The following MAGEC3 variants were observed in gnomAD, a reference collection of about 807,000 sequenced individuals.
MAGEC3 encodes MAGE family member C3, also known as melanoma-associated antigen C3.
MAGEC3 carries 34 observed loss-of-function variants against 35.3 expected under a neutral mutation model. The ratio of observed to expected loss-of-function variants is 0.96; its 90% CI spans 0.73 to 1.28. The LOEUF (loss-of-function observed/expected upper bound fraction) is 1.28, where lower values mean the gene tolerates loss of function less well. Among genes scored for constraint, MAGEC3 ranks in the 50% most tolerant of loss-of-function variants. The probability of loss-of-function intolerance (pLI) is 0.00; values close to 1 mark genes in which losing one functional copy is unlikely to be tolerated. For synonymous variants in MAGEC3, 202 were observed against 185.6 expected, an observed-to-expected ratio of 1.09 and a Z score of -0.72; for missense variants, 561 against 483.6, an observed-to-expected ratio of 1.16 and a Z score of -1.50.
At chrX:141,848,232 C>G (rs1368859823) in intron 1 of MAGEC3, among the ~76,000 whole-genome samples, 2 of 109,664 alleles carry the variant, frequency 1.8e-5, no homozygotes, top group East Asian at 5.8e-4. Context: ...AGGATACCCA[C>G]TCTCACAACT....
chrX:141,869,979 T>TG (rs2017877301), intron 2 of MAGEC3, among the ~76,000 whole-genome samples: 8 of 111,272 alleles, frequency 7.2e-5, no homozygotes, highest in African/African-American at 2.6e-4. Context: ...TTCCAGATGC[T>TG]TCAGGGGCCC....
chrX:141,841,559 T>C (rs748019385), intron 1 of MAGEC3, among the ~76,000 whole-genome samples: 8 of 111,866 alleles, frequency 7.2e-5, no homozygotes, highest in Admixed American at 2.8e-4. Flanking sequence ...TATGTGTTTA[T>C]TTTCTTTCTG....
intron 1 of MAGEC3, among the ~76,000 whole-genome samples, chrX:141,846,480 G>A (rs1346910045): frequency 1.8e-5 from 2 of 109,664 alleles, no homozygotes; most frequent in Non-Finnish European, 3.8e-5. Context: ...GATCCTAACA[G>A]GACAATGAGA....
At position 141,881,771 on chromosome X, in the gene MAGEC3, T is replaced by C. The variant is rs1022662780; in HGVS notation, c.884T>C (p.Ile295Thr). Reference sequence around the variant, plus strand: ...GGCAACTGTGCATCTGAGGAGGTCATCTGGGAAGTGCTGAATGCAATAGGG... The same window carrying C: ...GGCAACTGTGCATCTGAGGAGGTCACCTGGGAAGTGCTGAATGCAATAGGG... ...IKGNCASEEVIWEVLNAIGPW... is the reference protein window; with the variant it reads ...IKGNCASEEVTWEVLNAIGPW... Residue 295 changes from isoleucine to threonine, a missense_variant, in exon 4 of 8, where the codon ATC becomes ACC. Coordinates refer to ENST00000298296, the MANE Select transcript of MAGEC3 (RefSeq NM_138702.1). 1.4e-5 allele frequency: 17 copies of C among 1,209,640 alleles called. No individual in the cohort carries two copies. The highest frequency in any genetic ancestry group is 1.8e-5 in the Non-Finnish European group (16 of 895,168).
chrX:141,855,374 T>A (rs2017774093), intron 1 of MAGEC3, among the ~76,000 whole-genome samples: 1 of 111,342 alleles, frequency 9.0e-6, no homozygotes, highest in African/African-American at 3.3e-5. Context: ...ACTAATAATG[T>A]ATTAATAACT....
chrX:141,865,380 G>T, intron 1 of MAGEC3, 91 bp from the exon 2 acceptor site: 1 of 890,036 alleles, frequency 1.1e-6, no homozygotes, highest in Non-Finnish European at 1.5e-6. Context: ...ACTCATCAAG[G>T]GAAAGACACT....
intron 4 of MAGEC3, among the ~76,000 whole-genome samples, chrX:141,890,196 T>C (rs748937032): frequency 1.8e-5 from 2 of 110,833 alleles, no homozygotes; most frequent in Non-Finnish European, 3.8e-5. Flanking sequence ...GACTAATACA[T>C]ATTGGTTATT....
rs907317695 is a variant in MAGEC3, at chrX:141,881,665, T to C, written c.778T>C (p.Cys260Arg). The C allele has an allele frequency of 1.4e-5, 17 of 1,211,630 alleles. No individual in the cohort carries two copies. Among genetic ancestry groups the C allele is most frequent in the Non-Finnish European group, 1.9e-5 (17 of 895,427 alleles). Reference sequence around the variant, plus strand: ...CTTTGTAAACACATTAGACCTCACCTGTGAGGGGAGTCTGAGTGATGAGCA... The same window carrying C: ...CTTTGTAAACACATTAGACCTCACCCGTGAGGGGAGTCTGAGTGATGAGCA... Reference protein sequence around the residue: ...YVFVNTLDLTCEGSLSDEQGM... With the variant: ...YVFVNTLDLTREGSLSDEQGM... The change falls in exon 4 of 8, where the codon TGT (cysteine) becomes CGT (arginine). Residue 260 changes from cysteine to arginine, a missense_variant. Physicochemically the swap from Cys to Arg is radical, Grantham distance 180. Transcript: ENST00000298296.
intron 2 of MAGEC3, among the ~76,000 whole-genome samples, chrX:141,875,232 C>T (rs1274149761): frequency 4.5e-5 from 5 of 111,274 alleles, no homozygotes; most frequent in Non-Finnish European, 9.4e-5. Flanking sequence ...GTAACAAATG[C>T]TGCTGTTGGA....
At chrX:141,882,801 C>T (rs1446298673) in intron 4 of MAGEC3, among the ~76,000 whole-genome samples, 1 of 111,712 alleles carries the variant, frequency 9.0e-6, no homozygotes, top group Admixed American at 9.5e-5. Flanking sequence ...GAGCAGAAGC[C>T]ATGTCAAGAA....
At chrX:141,847,530 A>G (rs1258378236) in intron 1 of MAGEC3, among the ~76,000 whole-genome samples, 1 of 111,749 alleles carries the variant, frequency 8.9e-6, no homozygotes, top group Non-Finnish European at 1.9e-5. Context: ...CTCCAAAACA[A>G]TGAAGTTCAA....
At chrX:141,852,418 A>G (rs2017756480) in intron 1 of MAGEC3, among the ~76,000 whole-genome samples, 1 of 110,127 alleles carries the variant, frequency 9.1e-6, no homozygotes, top group Non-Finnish European at 1.9e-5. Context: ...TTTCTTTCCA[A>G]TTTGGATGCC....
rs940430115 is a variant in MAGEC3, at chrX:141,863,872, A to C, written c.124-1599A>C. Among the ~76,000 whole-genome samples, 3 of 111,685 alleles carry C rather than the reference A, an allele frequency of 2.7e-5. 1 individual carries two copies. The highest frequency in any genetic ancestry group is 9.8e-5 in the African/African-American group (3 of 30,704). On this transcript the variant is annotated intron_variant, in intron 1 of 7. Transcript: ENST00000298296. ...ACTACTCTCATTTATTGCTGGTTGG[A>C]AAAAATATATAGCACTCGTTCGATG... is the stretch of plus-strand genomic sequence containing the variant.
intron 1 of MAGEC3, among the ~76,000 whole-genome samples, chrX:141,848,205 A>C (rs1653991705): frequency 9.1e-6 from 1 of 110,165 alleles, no homozygotes; most frequent in Admixed American, 9.7e-5. Flanking sequence ...TATTATTCTC[A>C]GAACTGGAAT....
chrX:141,871,462 C>G (rs2017887409), intron 2 of MAGEC3, among the ~76,000 whole-genome samples: 1 of 111,263 alleles, frequency 9.0e-6, no homozygotes, highest in African/African-American at 3.3e-5. Context: ...AAGAGTGTGG[C>G]AAGACAGAGT....
chrX:141,848,222 A>G (rs1044559555), intron 1 of MAGEC3, among the ~76,000 whole-genome samples: 1 of 110,091 alleles, frequency 9.1e-6, no homozygotes, highest in Non-Finnish European at 1.9e-5. Flanking sequence ...GAATAAGACA[A>G]GGATACCCAC....
rs1195097217 is a variant in MAGEC3, at chrX:141,879,211, C to G, written c.295C>G (p.Leu99Val). 1 of 1,199,177 alleles carries G rather than the reference C, an allele frequency of 8.3e-7. No homozygotes were observed. Among genetic ancestry groups the G allele is most frequent in the Non-Finnish European group, 1.1e-6 (1 of 889,517 alleles). ...RTLSGSPGLQLSDLHFGSQPE... is the reference protein window; with the variant it reads ...RTLSGSPGLQVSDLHFGSQPE... Reference sequence around the variant, plus strand: ...CCTATCAGGGTCCCCAGGTTTACAACTTTCTGACTTGCATTTTGGGAGTCA... The same window carrying G: ...CCTATCAGGGTCCCCAGGTTTACAAGTTTCTGACTTGCATTTTGGGAGTCA... The change falls in exon 3 of 8, where the codon CTT (leucine) becomes GTT (valine). Residue 99 changes from leucine (L) to valine (V), a missense_variant. Coordinates refer to ENST00000298296, the MANE Select transcript of MAGEC3 (RefSeq NM_138702.1).
chrX:141,878,409 C>G (rs751575009), intron 2 of MAGEC3, among the ~76,000 whole-genome samples: 8 of 112,151 alleles, frequency 7.1e-5, no homozygotes, highest in African/African-American at 2.6e-4. Flanking sequence ...CAGGGAGACC[C>G]AGGACCAGCC....
Position 141,865,499 on chromosome X carries a change from A to G in MAGEC3, c.152A>G (p.Tyr51Cys). The change falls in exon 2 of 8, where the codon TAT becomes TGT. Residue 51 changes from tyrosine (Y) to cysteine (C), a missense_variant. Tyr to Cys is a radical substitution (Grantham distance 194). Transcript: ENST00000298296. ...CGGAAAAAGGCCACAGATAAGGACT[A>G]TTCTGCCTTTCATCTTGGGCATCTG... is the stretch of plus-strand genomic sequence containing the variant. Reference protein sequence around the residue: ...QPRKKATDKDYSAFHLGHLRE... With the variant: ...QPRKKATDKDCSAFHLGHLRE... The G allele has an allele frequency of 8.3e-7, 1 of 1,211,088 alleles. No homozygotes were observed. The highest frequency in any genetic ancestry group is 1.8e-5 in the South Asian group (1 of 56,886).
Sources: gnomAD v4.1 joint callset for allele counts (sites outside exome capture counted in the v4.1 genomes callset) on GRCh38, gnomAD v4.1.1 for gene constraint, MANE v1.5 for transcripts, NCBI Gene and HGNC (gene_info 2026-07-23, HGNC 2026-07-21) for gene names.